The following HS2ST1 variants were observed in gnomAD, a reference collection of about 807,000 sequenced individuals.
HS2ST1 encodes heparan sulfate 2-O-sulfotransferase 1.
Under a neutral mutation model 42.9 loss-of-function variants are expected in HS2ST1, and 18 were observed. The ratio of observed to expected loss-of-function variants is 0.42; its 90% CI spans 0.29 to 0.62. The LOEUF (loss-of-function observed/expected upper bound fraction) is 0.62. Among genes scored for constraint, HS2ST1 ranks in the 20% least tolerant of loss-of-function variants. The probability of loss-of-function intolerance (pLI) is 0.21; values close to 1 mark genes in which losing one functional copy is unlikely to be tolerated. For synonymous variants in HS2ST1, 146 were observed against 152.9 expected, an observed-to-expected ratio of 0.95 and a Z score of 0.33; for missense variants, 334 against 433.8, an observed-to-expected ratio of 0.77 and a Z score of 2.04.
chr1:87,019,913 G>A (rs1649865747), intron 1 of HS2ST1, among the ~76,000 whole-genome samples: 1 of 152,170 alleles, frequency 6.6e-6, no homozygotes, highest in African/African-American at 2.4e-5. Context: ...AACTTTTTCT[G>A]ACTCCCATAG....
intron 1 of HS2ST1, among the ~76,000 whole-genome samples, chr1:87,054,881 C>G (rs1650922297): frequency 6.6e-6 from 1 of 152,210 alleles, no homozygotes; most frequent in South Asian, 2.1e-4. Flanking sequence ...TGAGCAAGAA[C>G]TAAACTTCTT....
intron 1 of HS2ST1, among the ~76,000 whole-genome samples, chr1:86,938,742 C>T (rs1352557062): frequency 6.6e-6 from 1 of 152,086 alleles, no homozygotes; most frequent in Non-Finnish European, 1.5e-5. Context: ...TTCACAGTCT[C>T]AGAAAATAAG....
At chr1:86,954,040 TA>T (rs367757359) in intron 1 of HS2ST1, among the ~76,000 whole-genome samples, 6,655 of 66,606 alleles carry the variant, frequency 0.1, 159 homozygotes, top group Middle Eastern at 0.13. Flanking sequence ...CTGTTTTTTT[TA>T]AAAAAAAAAA....
intron 1 of HS2ST1, among the ~76,000 whole-genome samples, chr1:86,915,773 A>G (rs1330149851): frequency 6.6e-6 from 1 of 152,164 alleles, no homozygotes; most frequent in African/African-American, 2.4e-5. Context: ...CGCGAGTGCA[A>G]AGCTTCATCG....
At chr1:86,978,368 G>A (rs570686780) in intron 1 of HS2ST1, among the ~76,000 whole-genome samples, 22 of 152,314 alleles carry the variant, frequency 1.4e-4, no homozygotes, top group African/African-American at 4.8e-4. Flanking sequence ...ATATTGGGCA[G>A]TGTCTCAGAG....
intron 1 of HS2ST1, among the ~76,000 whole-genome samples, chr1:86,957,449 C>G (rs1277552342): frequency 6.6e-6 from 1 of 152,196 alleles, no homozygotes; most frequent in African/African-American, 2.4e-5. Flanking sequence ...AACACAATTG[C>G]AACATGTGAT....
At chr1:86,972,357 A>AT (rs931080594) in intron 1 of HS2ST1, among the ~76,000 whole-genome samples, 18 of 151,160 alleles carry the variant, frequency 1.2e-4, no homozygotes, top group Admixed American at 6.6e-4. Flanking sequence ...TTTAATAATT[A>AT]TTTTTTTTTA....
intron 1 of HS2ST1, among the ~76,000 whole-genome samples, chr1:86,931,542 C>T (rs1660540024): frequency 6.6e-6 from 1 of 151,826 alleles, no homozygotes; most frequent in Non-Finnish European, 1.5e-5. Context: ...ATTTTGGTCA[C>T]AGAATAAAAG....
chr1:86,976,693 T>C (rs1648410069), intron 1 of HS2ST1, among the ~76,000 whole-genome samples: 1 of 135,896 alleles, frequency 7.4e-6, no homozygotes, highest in South Asian at 2.4e-4. Context: ...CCATCTTTTC[T>C]TTATAAAATT....
chr1:87,096,066 G>A (rs540248944), intron 4 of HS2ST1, among the ~76,000 whole-genome samples: 1 of 146,020 alleles, frequency 6.8e-6, no homozygotes, highest in South Asian at 2.2e-4. Flanking sequence ...AATTCAATTT[G>A]TTCGAAATGT....
intron 1 of HS2ST1, among the ~76,000 whole-genome samples, chr1:86,951,921 C>T (rs1647532094): frequency 6.6e-6 from 1 of 152,226 alleles, no homozygotes; most frequent in African/African-American, 2.4e-5. Flanking sequence ...AGCAACTCCT[C>T]ATTTGTTCAA....
chr1:86,956,819 A>G (rs185003940), intron 1 of HS2ST1, among the ~76,000 whole-genome samples: 2 of 152,300 alleles, frequency 1.3e-5, no homozygotes, highest in Admixed American at 1.3e-4. Flanking sequence ...ATACTTCTAC[A>G]TGGTTTTCTC....
intron 2 of HS2ST1, among the ~76,000 whole-genome samples, chr1:87,080,542 A>G (rs77415440): frequency 0.01 from 1,563 of 152,296 alleles, 17 homozygotes; most frequent in South Asian, 0.026. Flanking sequence ...GCCTTCAGCA[A>G]TTGTCCCCCA....
At position 86,992,603 on chromosome 1, in the gene HS2ST1, C is replaced by G. The variant is rs904335330; in HGVS notation, c.124+77443C>G. 2.1e-4 allele frequency among the ~76,000 whole-genome samples: 32 copies of G among 152,282 alleles called. No individual in the cohort carries two copies. In the East Asian group the frequency reaches 3.1e-3, roughly 15 times the overall value. On this transcript the variant is annotated intron_variant, in intron 1 of 6. Transcript: ENST00000370550. ...TCTCTAACTCCTGACCTCTGGTGAT[C>G]TGCACGCCTCGGCCTCCCAAATTGC...
At chr1:87,022,745 T>TTA (rs1390295839) in intron 1 of HS2ST1, among the ~76,000 whole-genome samples, 3 of 152,136 alleles carry the variant, frequency 2.0e-5, no homozygotes, top group Non-Finnish European at 2.9e-5. Context: ...TCATATACCA[T>TTA]TATAAAGGAA....
chr1:87,098,318 T>A, intron 5 of HS2ST1: 3 of 989,530 alleles, frequency 3.0e-6, no homozygotes, highest in Non-Finnish European at 3.6e-6. Flanking sequence ...GGGTTAAAAT[T>A]CACCTGGTTT....
chr1:87,031,563 T>G (rs1307959418), intron 1 of HS2ST1, among the ~76,000 whole-genome samples: 2 of 152,184 alleles, frequency 1.3e-5, no homozygotes, highest in East Asian at 3.8e-4. Flanking sequence ...TAGTGTGCTA[T>G]TTAGTTTGGT....
Position 86,915,008 on chromosome 1 carries a change from G to A in HS2ST1, c.-29G>A, listed in dbSNP as rs1225093707. 6.2e-7 allele frequency: 1 copy of A among 1,613,480 alleles called. No homozygotes were observed. Among genetic ancestry groups the A allele is most frequent in the Non-Finnish European group, 8.5e-7 (1 of 1,179,858 alleles). On this transcript the variant is annotated 5_prime_UTR_variant, in exon 1 of 7. Coordinates refer to ENST00000370550, the MANE Select transcript of HS2ST1 (RefSeq NM_012262.4). The stretch of plus-strand genomic sequence containing the variant: ...GGGGTCCCGCTCCCCGCCCCCCGCG[G>A]TATGTCTTGATCCCGAGCAGCGGGT...
intron 1 of HS2ST1, among the ~76,000 whole-genome samples, chr1:86,999,957 T>G (rs375653945): frequency 6.6e-6 from 1 of 152,200 alleles, no homozygotes. Context: ...TCCAAATGAT[T>G]AGTTATGCCA....
Sources: gnomAD v4.1 joint callset for allele counts (sites outside exome capture counted in the v4.1 genomes callset) on GRCh38, gnomAD v4.1.1 for gene constraint, MANE v1.5 for transcripts, NCBI Gene and HGNC (gene_info 2026-07-23, HGNC 2026-07-21) for gene names.